The following GLRA2 variants were observed in gnomAD, a reference collection of about 807,000 sequenced individuals.
GLRA2 encodes glycine receptor subunit alpha-2.
In GLRA2, 11 loss-of-function variants were observed where a neutral mutation model predicts 31.6. The ratio of observed to expected loss-of-function variants is 0.35; its 90% CI spans 0.22 to 0.58. The LOEUF (loss-of-function observed/expected upper bound fraction) is 0.58, where lower values mean the gene tolerates loss of function less well. Among genes scored for constraint, GLRA2 ranks in the 20% least tolerant of loss-of-function variants. The pLI is 0.84. For synonymous variants in GLRA2, 132 were observed against 134.0 expected (o/e 0.99, Z 0.10); for missense variants, 212 against 351.8 (o/e 0.60, Z 3.18).
the GLRA2 span, among the ~76,000 whole-genome samples, chrX:14,514,426 GAA>G: frequency 9.0e-6 from 1 of 110,512 alleles, no homozygotes; most frequent in Non-Finnish European, 1.9e-5. Flanking sequence ...TTTAAAAAAA[GAA>G]AAGAGAAAGA....
intron 7 of GLRA2, among the ~76,000 whole-genome samples, chrX:14,671,750 T>G (rs1330819075): frequency 8.8e-6 from 1 of 113,022 alleles, no homozygotes; most frequent in Non-Finnish European, 1.9e-5. Flanking sequence ...AAACTCAGTG[T>G]ATCTGCTATG....
intron 7 of GLRA2, among the ~76,000 whole-genome samples, chrX:14,621,458 C>T (rs5980049): frequency 0.016 from 1,747 of 110,945 alleles, 41 homozygotes; most frequent in African/African-American, 0.054. Context: ...TGGTGTGCTG[C>T]ACCCATTAAC....
intron 2 of GLRA2, among the ~76,000 whole-genome samples, chrX:14,559,913 C>T (rs2089703766): frequency 9.0e-6 from 1 of 111,326 alleles, no homozygotes; most frequent in African/African-American, 3.3e-5. Flanking sequence ...AAAGGGAGTG[C>T]CATGAAGAAA....
intron 7 of GLRA2, among the ~76,000 whole-genome samples, chrX:14,688,577 C>T (rs954736996): frequency 9.0e-6 from 1 of 111,478 alleles, no homozygotes; most frequent in Non-Finnish European, 1.9e-5. Flanking sequence ...AGTGAGGCTC[C>T]GTGGGTGTGG....
intron 7 of GLRA2, among the ~76,000 whole-genome samples, chrX:14,653,941 A>G (rs2090914930): frequency 8.9e-6 from 1 of 112,026 alleles, no homozygotes; most frequent in African/African-American, 3.2e-5. Flanking sequence ...CCTGGGCAAC[A>G]TAGCAAGACT....
the GLRA2 span, among the ~76,000 whole-genome samples, chrX:14,458,459 G>C: frequency 8.8e-4 from 99 of 111,934 alleles, no homozygotes; most frequent in Non-Finnish European, 1.7e-3. Flanking sequence ...TGACTTCCAC[G>C]ATGGTTGAAC....
chrX:14,633,064 T>C (rs893709541), intron 7 of GLRA2, among the ~76,000 whole-genome samples: 13 of 111,839 alleles, frequency 1.2e-4, no homozygotes, highest in Non-Finnish European at 5.6e-5. Flanking sequence ...CATGGTTATG[T>C]TCCAATAAAA....
intron 7 of GLRA2, among the ~76,000 whole-genome samples, chrX:14,615,208 T>A (rs2090442315): frequency 8.9e-6 from 1 of 112,045 alleles, no homozygotes; most frequent in Admixed American, 9.5e-5. Context: ...CAACACCTGG[T>A]TCACAGTAGG....
the GLRA2 span, among the ~76,000 whole-genome samples, chrX:14,463,910 C>A: frequency 9.0e-6 from 1 of 111,707 alleles, no homozygotes; most frequent in Admixed American, 9.4e-5. Context: ...AGATGAACCA[C>A]GTACCTCAGT....
At chrX:14,720,137 A>ATTCT (rs2091846095) in intron 8 of GLRA2, among the ~76,000 whole-genome samples, 1 of 111,469 alleles carries the variant, frequency 9.0e-6, no homozygotes, top group African/African-American at 3.3e-5. Context: ...GCACTACAGT[A>ATTCT]AACAATAATT....
the GLRA2 span, among the ~76,000 whole-genome samples, chrX:14,515,798 T>A: frequency 9.0e-6 from 1 of 111,652 alleles, no homozygotes; most frequent in Non-Finnish European, 1.9e-5. Context: ...CTCTTACTCA[T>A]GAGGTCCTTG....
chrX:14,459,889 C>G, the GLRA2 span, among the ~76,000 whole-genome samples: 1 of 112,016 alleles, frequency 8.9e-6, no homozygotes, highest in Non-Finnish European at 1.9e-5. Context: ...ACTGCCCTAG[C>G]AAGAACGTCC....
intron 4 of GLRA2, among the ~76,000 whole-genome samples, chrX:14,590,752 C>T (rs2090136966): frequency 8.9e-6 from 1 of 112,386 alleles, no homozygotes; most frequent in Admixed American, 9.5e-5. Context: ...TTCTCATTTT[C>T]TAACTCTGTG....
the GLRA2 span, among the ~76,000 whole-genome samples, chrX:14,504,742 T>G: frequency 1.8e-5 from 2 of 112,346 alleles, no homozygotes; most frequent in East Asian, 5.6e-4. Flanking sequence ...TGCTAACTAT[T>G]AATGAATGCA....
intron 6 of GLRA2, among the ~76,000 whole-genome samples, chrX:14,607,516 T>C (rs1215303056): frequency 9.0e-6 from 1 of 111,408 alleles, no homozygotes; most frequent in African/African-American, 3.3e-5. Flanking sequence ...TAGGATCTTT[T>C]GCTGTTCCTA....
intron 7 of GLRA2, among the ~76,000 whole-genome samples, chrX:14,644,016 T>C (rs911891540): frequency 2.7e-5 from 3 of 111,351 alleles, no homozygotes; most frequent in African/African-American, 9.8e-5. Flanking sequence ...AAGAAACTGT[T>C]GAGAGAGAAG....
the GLRA2 span, among the ~76,000 whole-genome samples, chrX:14,506,581 C>T: frequency 8.0e-5 from 9 of 112,076 alleles, no homozygotes; most frequent in African/African-American, 2.9e-4. Context: ...CCTCTTTTCT[C>T]CTTGCAAATA....
chrX:14,579,415 C>T (rs1032490211), intron 3 of GLRA2, among the ~76,000 whole-genome samples: 3 of 110,524 alleles, frequency 2.7e-5, no homozygotes, highest in South Asian at 3.9e-4. Flanking sequence ...CCGCAACCTG[C>T]GCCTCCTGGG....
chrX:14,622,213 AT>A (rs1213097870), intron 7 of GLRA2, among the ~76,000 whole-genome samples: 6 of 110,713 alleles, frequency 5.4e-5, no homozygotes, highest in African/African-American at 1.3e-4. Context: ...GGGTTGTTTG[AT>A]TTTTTTCTTG....
Sources: gnomAD v4.1 joint callset for allele counts (sites outside exome capture counted in the v4.1 genomes callset) on GRCh38, gnomAD v4.1.1 for gene constraint, MANE v1.5 for transcripts, NCBI Gene and HGNC (gene_info 2026-07-23, HGNC 2026-07-21) for gene names.